TENM2: variants seen among roughly 807,000 people sequenced by gnomAD.
TENM2 encodes the protein teneurin transmembrane protein 2, also known as teneurin-2.
Under a neutral mutation model 245.2 loss-of-function variants are expected in TENM2, and 52 were observed. The observed-to-expected ratio is 0.21, with a 90% CI of 0.17 to 0.27. The LOEUF is 0.27. Ranked by LOEUF, TENM2 falls within the 10% of genes least tolerant of loss-of-function variation. The pLI, the probability that TENM2 is intolerant of heterozygous loss-of-function variation, is 1.00. For missense variants in TENM2, 3,046 were observed against 3,666.8 expected (o/e 0.83, Z 4.37); for synonymous variants, 1,363 against 1,438.9 (o/e 0.95, Z 1.19).
At chr5:167,270,573 G>A in the TENM2 span, among the ~76,000 whole-genome samples, 4 of 152,114 alleles carry the variant, frequency 2.6e-5, no homozygotes, top group South Asian at 2.1e-4. Context: ...AGAGGCACTC[G>A]AATATACTGG....
At chr5:167,956,922 CCTGAA>C (rs1780606935) in intron 4 of TENM2, among the ~76,000 whole-genome samples, 1 of 152,046 alleles carries the variant, frequency 6.6e-6, no homozygotes, top group Non-Finnish European at 1.5e-5. Flanking sequence ...GGGATATTGG[CCTGAA>C]CTTTTCTTTT....
At chr5:167,065,632 C>A in the TENM2 span, among the ~76,000 whole-genome samples, 3 of 152,092 alleles carry the variant, frequency 2.0e-5, no homozygotes, top group East Asian at 3.9e-4. Context: ...TGGCTAATAC[C>A]GTGTTGATAA....
chr5:167,537,799 G>A (rs560359320), intron 2 of TENM2, among the ~76,000 whole-genome samples: 1 of 152,310 alleles, frequency 6.6e-6, no homozygotes, highest in Admixed American at 6.5e-5. Context: ...GTAGAAGGAT[G>A]AAGATTTTGA....
chr5:167,452,931 T>TATATATA (rs1554157698), intron 2 of TENM2, among the ~76,000 whole-genome samples: 2 of 4,872 alleles, frequency 4.1e-4, no homozygotes, highest in Non-Finnish European at 7.0e-4. Context: ...AAAGTATGAT[T>TATATATA]TATATATATA....
At chr5:167,175,185 A>G in the TENM2 span, among the ~76,000 whole-genome samples, 6 of 152,166 alleles carry the variant, frequency 3.9e-5, no homozygotes, top group African/African-American at 1.4e-4. Context: ...TGGGGAACTG[A>G]ATGTCTTTGT....
chr5:168,122,311 G>A (rs1795524538), intron 10 of TENM2, among the ~76,000 whole-genome samples: 1 of 152,170 alleles, frequency 6.6e-6, no homozygotes, highest in South Asian at 2.1e-4. Context: ...CAAGTAGCTG[G>A]GACTACAGGC....
At chr5:167,148,121 C>T in the TENM2 span, among the ~76,000 whole-genome samples, 1 of 152,266 alleles carries the variant, frequency 6.6e-6, no homozygotes, top group African/African-American at 2.4e-5. Context: ...CAGCCTCTTA[C>T]AAGTTGGGCA....
chr5:168,055,260 G>C (rs1365839628), intron 6 of TENM2, among the ~76,000 whole-genome samples: 1 of 152,188 alleles, frequency 6.6e-6, no homozygotes, highest in Admixed American at 6.5e-5. Flanking sequence ...AATACCTACT[G>C]TTATAGTCAA....
chr5:167,522,827 A>T (rs1770854418), intron 2 of TENM2, among the ~76,000 whole-genome samples: 1 of 152,106 alleles, frequency 6.6e-6, no homozygotes, highest in Non-Finnish European at 1.5e-5. Flanking sequence ...CCTATAAAAA[A>T]AAAAGCAAGT....
At chr5:167,536,581 A>G (rs762219929) in intron 2 of TENM2, among the ~76,000 whole-genome samples, 1 of 152,194 alleles carries the variant, frequency 6.6e-6, no homozygotes, top group Non-Finnish European at 1.5e-5. Flanking sequence ...GAACTCAAAG[A>G]GAATAGTAGT....
the TENM2 span, among the ~76,000 whole-genome samples, chr5:167,175,831 C>T: frequency 1.1e-4 from 17 of 152,098 alleles, no homozygotes; most frequent in Admixed American, 9.8e-4. Flanking sequence ...TGCCTCAGCC[C>T]CCCGAGTAGC....
chr5:167,840,308 C>T (rs1189936710), intron 2 of TENM2, among the ~76,000 whole-genome samples: 1 of 152,176 alleles, frequency 6.6e-6, no homozygotes, highest in Non-Finnish European at 1.5e-5. Flanking sequence ...AAACAAATGG[C>T]TTTGGGATCC....
At chr5:167,695,870 T>TA (rs1221041472) in intron 2 of TENM2, among the ~76,000 whole-genome samples, 1 of 151,648 alleles carries the variant, frequency 6.6e-6, no homozygotes, top group African/African-American at 2.4e-5. Context: ...CCGTCTCTGC[T>TA]AAAAATACAA....
At chr5:167,845,328 G>T (rs12109973) in intron 2 of TENM2, among the ~76,000 whole-genome samples, 97,207 of 147,676 alleles carry the variant, frequency 0.66, 33,033 homozygotes, top group South Asian at 0.77. Context: ...CATTACTGCA[G>T]TCTTGCTTGG....
chr5:167,200,611 T>C, the TENM2 span, among the ~76,000 whole-genome samples: 2 of 152,108 alleles, frequency 1.3e-5, no homozygotes, highest in Admixed American at 6.6e-5. Context: ...GCAGAAGATT[T>C]GAACCTCCCT....
chr5:167,963,136 G>A (rs564955622), intron 4 of TENM2, among the ~76,000 whole-genome samples: 9 of 152,264 alleles, frequency 5.9e-5, no homozygotes, highest in African/African-American at 1.9e-4. Flanking sequence ...TTTACTATCC[G>A]AGAAAGATCA....
At chr5:167,220,766 TAAAC>T in the TENM2 span, among the ~76,000 whole-genome samples, 2 of 152,136 alleles carry the variant, frequency 1.3e-5, no homozygotes, top group Admixed American at 1.3e-4. Flanking sequence ...ATCTAATAAA[TAAAC>T]AAGTGAATAA....
intron 2 of TENM2, among the ~76,000 whole-genome samples, chr5:167,605,980 T>A (rs1777015956): frequency 1.3e-5 from 2 of 152,320 alleles, no homozygotes; most frequent in South Asian, 4.1e-4. Context: ...ATTTACCCTC[T>A]TGGAAAACCA....
At chr5:167,760,171 T>C (rs1762571001) in intron 2 of TENM2, among the ~76,000 whole-genome samples, 1 of 152,194 alleles carries the variant, frequency 6.6e-6, no homozygotes, top group Non-Finnish European at 1.5e-5. Flanking sequence ...TTATCCTCAA[T>C]GGCTTTGCTC....
Sources: gnomAD v4.1 joint callset for allele counts (sites outside exome capture counted in the v4.1 genomes callset) on GRCh38, gnomAD v4.1.1 for gene constraint, MANE v1.5 for transcripts, NCBI Gene and HGNC (gene_info 2026-07-23, HGNC 2026-07-21) for gene names.